LINGO2: variants seen among roughly 807,000 people sequenced by gnomAD.
LINGO2 encodes leucine rich repeat and Ig domain containing 2, also known as leucine-rich repeat and immunoglobulin-like domain-containing nogo receptor-interacting protein 2.
In LINGO2, 14 loss-of-function variants were observed where a neutral mutation model predicts 30.6. The observed-to-expected ratio is 0.46, with a 90% CI of 0.30 to 0.72. The LOEUF is 0.72. Among genes scored for constraint, LINGO2 ranks in the 30% least tolerant of loss-of-function variants. The pLI is 0.07. For missense variants in LINGO2, 729 were observed against 751.7 expected (o/e 0.97, Z 0.35); for synonymous variants, 317 against 288.5 (o/e 1.10, Z -1.00).
chr9:29,202,661 G>A, the LINGO2 span, among the ~76,000 whole-genome samples: 1 of 152,006 alleles, frequency 6.6e-6, no homozygotes, highest in Non-Finnish European at 1.5e-5. Context: ...GCTGTAATTT[G>A]AAACCATTTA....
chr9:28,616,793 A>G (rs1480276691), intron 1 of LINGO2, among the ~76,000 whole-genome samples: 5 of 152,192 alleles, frequency 3.3e-5, no homozygotes, highest in African/African-American at 1.2e-4. Flanking sequence ...TACTTACATG[A>G]AAGATTTTTT....
chr9:29,062,249 T>C, the LINGO2 span, among the ~76,000 whole-genome samples: 1 of 152,084 alleles, frequency 6.6e-6, no homozygotes. Context: ...GGATATAAAA[T>C]GGTACAGCCA....
intron 4 of LINGO2, among the ~76,000 whole-genome samples, chr9:28,198,635 C>T (rs1025648969): frequency 6.6e-6 from 1 of 152,110 alleles, no homozygotes; most frequent in Admixed American, 6.5e-5. Flanking sequence ...ACAACCATCA[C>T]TTAACAAAAA....
At chr9:27,970,597 T>C (rs1298250405) in intron 5 of LINGO2, among the ~76,000 whole-genome samples, 1 of 152,156 alleles carries the variant, frequency 6.6e-6, no homozygotes, top group African/African-American at 2.4e-5. Context: ...GTTCCATTTT[T>C]GCTGTAGAAA....
the LINGO2 span, among the ~76,000 whole-genome samples, chr9:28,906,514 A>G: frequency 6.6e-6 from 1 of 152,034 alleles, no homozygotes; most frequent in East Asian, 1.9e-4. Flanking sequence ...TATTAAGTGA[A>G]ATAGCCTCAT....
At chr9:28,489,875 A>C (rs6476073) in intron 1 of LINGO2, among the ~76,000 whole-genome samples, 102,120 of 138,526 alleles carry the variant, frequency 0.74, 37,803 homozygotes, top group East Asian at 0.84. Flanking sequence ...TCCAGCCTGG[A>C]AACAGAGCAA....
the LINGO2 span, among the ~76,000 whole-genome samples, chr9:28,771,183 G>A: frequency 6.6e-6 from 1 of 151,892 alleles, no homozygotes; most frequent in South Asian, 2.1e-4. Context: ...TCAGTCGTAA[G>A]ATCCCACATC....
chr9:28,604,838 AG>A (rs1563858194), intron 1 of LINGO2, among the ~76,000 whole-genome samples: 3 of 152,068 alleles, frequency 2.0e-5, no homozygotes, highest in African/African-American at 7.2e-5. Flanking sequence ...GAATGAGGAA[AG>A]GTATTAACTT....
chr9:28,819,477 C>A, the LINGO2 span, among the ~76,000 whole-genome samples: 1 of 152,098 alleles, frequency 6.6e-6, no homozygotes, highest in Non-Finnish European at 1.5e-5. Flanking sequence ...TTCCACATGC[C>A]AAATCTTAAA....
In LINGO2 at chr9:28,158,533, T is replaced by C. The variant is rs562766020; in HGVS notation, c.-87+136675A>G. On this transcript the variant is annotated intron_variant, in intron 4 of 5. Transcript: ENST00000379992. ...CCTTTTCTTTCCTCAGCATCTCACA[T>C]GTCTTTCCTTCAGAGTGTCCCCTCC... Among the ~76,000 whole-genome samples the C allele has an allele frequency of 7.9e-5, 12 of 152,350 alleles. No individual in the cohort carries two copies. In the East Asian group the frequency reaches 2.3e-3, roughly 29 times the overall value.
chr9:28,447,944 G>A (rs1208846916), intron 2 of LINGO2, among the ~76,000 whole-genome samples: 3 of 152,068 alleles, frequency 2.0e-5, no homozygotes, highest in African/African-American at 7.2e-5. Context: ...GGTCATAGTG[G>A]ATGATTTATA....
intron 1 of LINGO2, among the ~76,000 whole-genome samples, chr9:28,507,484 T>G (rs1221822142): frequency 6.6e-6 from 1 of 152,096 alleles, no homozygotes; most frequent in African/African-American, 2.4e-5. Context: ...AGATATTTAA[T>G]AGACATCTCT....
At chr9:29,144,761 G>A in the LINGO2 span, among the ~76,000 whole-genome samples, 2 of 151,988 alleles carry the variant, frequency 1.3e-5, no homozygotes, top group Non-Finnish European at 2.9e-5. Flanking sequence ...GAGATAATAT[G>A]AGTGACTAGT....
intron 1 of LINGO2, among the ~76,000 whole-genome samples, chr9:28,539,045 TAAAAAC>T (rs535503580): frequency 1.1e-3 from 168 of 152,114 alleles, no homozygotes; most frequent in African/African-American, 3.9e-3. Context: ...ATATTTTTCT[TAAAAAC>T]AAATAAACTC....
At chr9:28,884,947 TA>T in the LINGO2 span, among the ~76,000 whole-genome samples, 199 of 4,778 alleles carry the variant, frequency 0.042, 23 homozygotes, top group Admixed American at 0.38. Flanking sequence ...ATAATATATA[TA>T]ATATATAATA....
At chr9:28,143,003 A>C (rs950501331) in intron 4 of LINGO2, among the ~76,000 whole-genome samples, 1 of 152,144 alleles carries the variant, frequency 6.6e-6, no homozygotes, top group Non-Finnish European at 1.5e-5. Context: ...TTTCAATCTG[A>C]TCAATTGCAG....
intron 5 of LINGO2, among the ~76,000 whole-genome samples, chr9:28,006,786 T>G (rs1169936239): frequency 6.6e-6 from 1 of 152,180 alleles, no homozygotes; most frequent in Non-Finnish European, 1.5e-5. Context: ...GCTAAAATGA[T>G]GTATCATACA....
Position 28,630,733 on chromosome 9 carries a change from A to G in LINGO2, c.-365+39467T>C, listed in dbSNP as rs188764340. On this transcript the variant is annotated intron_variant, in intron 1 of 5. Transcript: ENST00000379992. ...CATTATTAGTTAATCAAATGGTTAT[A>G]AGCACCAAAATTCAACCTTACATAA... Among the ~76,000 whole-genome samples, 89 of 152,204 alleles carry G rather than the reference A, an allele frequency of 5.8e-4. 1 individual carries two copies. The highest frequency in any genetic ancestry group is 2.1e-3 in the African/African-American group (88 of 41,540).
chr9:28,922,958 A>AT, the LINGO2 span, among the ~76,000 whole-genome samples: 1 of 152,180 alleles, frequency 6.6e-6, no homozygotes, highest in Non-Finnish European at 1.5e-5. Flanking sequence ...GTGGAAGGAG[A>AT]TTTAACCATT....
Sources: gnomAD v4.1 joint callset for allele counts (sites outside exome capture counted in the v4.1 genomes callset) on GRCh38, gnomAD v4.1.1 for gene constraint, MANE v1.5 for transcripts, NCBI Gene and HGNC (gene_info 2026-07-23, HGNC 2026-07-21) for gene names.